The following RPS6KA2 variants were observed in gnomAD, a reference collection of about 807,000 sequenced individuals.
The protein encoded by RPS6KA2 is ribosomal protein S6 kinase alpha-2.
RPS6KA2 carries 42 observed loss-of-function variants against 91.8 expected under a neutral mutation model. The ratio of observed to expected loss-of-function variants is 0.46; its 90% CI spans 0.36 to 0.59. The LOEUF (loss-of-function observed/expected upper bound fraction) is 0.59, where lower values mean the gene tolerates loss of function less well. RPS6KA2 is among the 20% of genes least tolerant of loss of function. The pLI is 0.00. For synonymous variants in RPS6KA2, 414 were observed against 393.6 expected (o/e 1.05, Z -0.61); for missense variants, 798 against 978.5 (o/e 0.82, Z 2.46).
At chr6:166,467,430 G>A (rs1780582795) in intron 11 of RPS6KA2, among the ~76,000 whole-genome samples, 1 of 152,112 alleles carries the variant, frequency 6.6e-6, no homozygotes, top group Admixed American at 6.5e-5. Context: ...GTCAGAAAGT[G>A]ATAAGGGATA....
intron 2 of RPS6KA2, among the ~76,000 whole-genome samples, chr6:166,824,302 C>T (rs912927367): frequency 3.9e-5 from 6 of 152,160 alleles, no homozygotes; most frequent in Non-Finnish European, 8.8e-5. Flanking sequence ...CAGTACTGGA[C>T]CTGGTGCACC....
At chr6:166,765,248 C>G (rs1187882649) in intron 2 of RPS6KA2, among the ~76,000 whole-genome samples, 2 of 152,206 alleles carry the variant, frequency 1.3e-5, no homozygotes, top group Non-Finnish European at 2.9e-5. Flanking sequence ...TCCACAAAGC[C>G]AAGTGCCATG....
At chr6:166,827,807 G>A (rs532785701) in intron 2 of RPS6KA2, among the ~76,000 whole-genome samples, 2 of 152,336 alleles carry the variant, frequency 1.3e-5, no homozygotes, top group East Asian at 1.9e-4. Context: ...CACAAAATGT[G>A]AAAGCAAACT....
intron 2 of RPS6KA2, among the ~76,000 whole-genome samples, chr6:166,659,065 A>AC (rs142870948): frequency 1.1e-4 from 16 of 150,740 alleles, no homozygotes; most frequent in Middle Eastern, 3.4e-3. Context: ...TCCCCACAAC[A>AC]CCCCCCCTTT....
chr6:166,478,528 A>AC (rs1345391501), intron 10 of RPS6KA2, among the ~76,000 whole-genome samples: 1 of 152,054 alleles, frequency 6.6e-6, no homozygotes, highest in African/African-American at 2.4e-5. Context: ...CTTTCCATTT[A>AC]CCCTTCCATT....
At chr6:166,473,232 C>A (rs1780839239) in intron 10 of RPS6KA2, among the ~76,000 whole-genome samples, 1 of 152,026 alleles carries the variant, frequency 6.6e-6, no homozygotes, top group African/African-American at 2.4e-5. Flanking sequence ...ATTCTGTCGC[C>A]CAGGCTGGTA....
intron 10 of RPS6KA2, among the ~76,000 whole-genome samples, chr6:166,484,095 G>C (rs957920875): frequency 6.6e-6 from 1 of 152,236 alleles, no homozygotes; most frequent in African/African-American, 2.4e-5. Context: ...TGTCTTTTCT[G>C]CTTTACCACT....
chr6:166,724,552 C>T (rs1235903574), intron 2 of RPS6KA2, among the ~76,000 whole-genome samples: 5 of 152,066 alleles, frequency 3.3e-5, no homozygotes, highest in African/African-American at 7.2e-5. Flanking sequence ...TGCTTCTTCC[C>T]GCCATCTGAG....
intron 2 of RPS6KA2, among the ~76,000 whole-genome samples, chr6:166,851,865 C>T (rs183816757): frequency 4.6e-4 from 70 of 152,318 alleles, no homozygotes; most frequent in African/African-American, 1.6e-3. Context: ...GGAGGGATGT[C>T]TGCAGATGAC....
At chr6:166,560,498 A>G (rs1165170240) in intron 1 of RPS6KA2, among the ~76,000 whole-genome samples, 1 of 152,252 alleles carries the variant, frequency 6.6e-6, no homozygotes, top group East Asian at 1.9e-4. Context: ...ACAATGACAC[A>G]TTCCATACAT....
chr6:166,648,197 TACAC>T lies in RPS6KA2; in HGVS notation c.124-109417_124-109414del, dbSNP rs776111208. On this transcript the variant is annotated intron_variant, in intron 2 of 21. Transcript: ENST00000503859. The surrounding 1 kb of genome is among the most constrained non-coding windows in gnomAD (Gnocchi z 4.8). The stretch of plus-strand genomic sequence containing the variant: ...GCTCACACACATGCACACATGCTCA[TACAC>T]ACACTCATGCACACACACGCACATG... Among the ~76,000 whole-genome samples the T allele has an allele frequency of 2.7e-4, 18 of 65,800 alleles. No homozygotes were observed. In the East Asian group the frequency reaches 6.5e-3, roughly 24 times the overall value. The allele number at this position is 65,800 out of a possible 152,430, so 43.2% of individuals were successfully genotyped here.
chr6:166,568,983 T>C (rs1784592530), intron 1 of RPS6KA2, among the ~76,000 whole-genome samples: 2 of 152,182 alleles, frequency 1.3e-5, no homozygotes, highest in South Asian at 2.1e-4. Flanking sequence ...CCAAATACTG[T>C]AGTTGAAAGT....
intron 2 of RPS6KA2, among the ~76,000 whole-genome samples, chr6:166,801,528 G>A (rs998200549): frequency 1.1e-4 from 17 of 151,996 alleles, no homozygotes; most frequent in Non-Finnish European, 1.6e-4. Context: ...ATAATGTTTC[G>A]TGAAGATAAA....
intron 1 of RPS6KA2, among the ~76,000 whole-genome samples, chr6:166,604,489 C>T (rs1245638901): frequency 3.3e-5 from 5 of 152,116 alleles, no homozygotes; most frequent in South Asian, 2.1e-4. Flanking sequence ...CTGAAGTTGC[C>T]GGAGCTGGGT....
Position 166,523,151 on chromosome 6 carries a change from G to A in RPS6KA2, c.298+8081C>T, listed in dbSNP as rs990896628. On this transcript the variant is annotated intron_variant, in intron 3 of 20. Coordinates refer to ENST00000265678, the MANE Select transcript of RPS6KA2 (RefSeq NM_021135.6). ...ATAGAGGACTCCACCATACAGAGGC[G>A]GGTGTATCTGTAATAAATCAGATGC... is the stretch of plus-strand genomic sequence containing the variant. 5.3e-5 allele frequency among the ~76,000 whole-genome samples: 8 copies of A among 152,156 alleles called. No homozygotes were observed. In the East Asian group the frequency reaches 9.6e-4, roughly 18 times the overall value.
intron 2 of RPS6KA2, among the ~76,000 whole-genome samples, chr6:166,841,286 T>A (rs1413554715): frequency 6.6e-6 from 1 of 152,172 alleles, no homozygotes; most frequent in Non-Finnish European, 1.5e-5. Context: ...AAAACCTGAA[T>A]ATCCCTGGTG....
In RPS6KA2 at chr6:166,497,654, C is replaced by T. The variant is rs142214783; in HGVS notation, c.747+854G>A. 1.8e-4 allele frequency among the ~76,000 whole-genome samples: 27 copies of T among 152,316 alleles called. No homozygotes were observed. The South Asian group carries it at 3.3e-3, about 19-fold the overall frequency. On this transcript the variant is annotated intron_variant, in intron 8 of 20. Coordinates refer to ENST00000265678, the MANE Select transcript of RPS6KA2 (RefSeq NM_021135.6). ...CAGCCGGGGGTTCTCCAGGCGACACCGCAGGACTCAGCCCTGGGGTTCCCT... is the reference window on the plus strand; with the variant it reads ...CAGCCGGGGGTTCTCCAGGCGACACTGCAGGACTCAGCCCTGGGGTTCCCT...
rs1314873411 is a variant in RPS6KA2 at position 166,702,585 on chromosome 6, T to A, written c.123+155615A>T. The A allele has an allele frequency of 2.7e-6, 4 of 1,485,284 alleles. No homozygotes were observed. The Admixed American group carries it at 6.7e-5, about 25-fold the overall frequency. 92.0% of individuals were successfully genotyped at this position (1,485,284 alleles called of 1,614,324 possible). Reference sequence around the variant, plus strand: ...ACTGTAAGTGAGGAGGGATATTTCGTATCTGAAGTTTCCGAATCCTTTGCC... The same window carrying A: ...ACTGTAAGTGAGGAGGGATATTTCGAATCTGAAGTTTCCGAATCCTTTGCC... On this transcript the variant is annotated intron_variant, in intron 2 of 21. Coordinates refer to the RPS6KA2 transcript ENST00000503859.
intron 2 of RPS6KA2, among the ~76,000 whole-genome samples, chr6:166,813,293 T>C (rs1235295693): frequency 6.6e-6 from 1 of 152,162 alleles, no homozygotes; most frequent in Non-Finnish European, 1.5e-5. Context: ...GCCCACTGCT[T>C]CTGACCAAAC....
Sources: gnomAD v4.1 joint callset for allele counts (sites outside exome capture counted in the v4.1 genomes callset) on GRCh38, gnomAD v4.1.1 for gene constraint, Gnocchi (gnomAD v3.1) non-coding constraint, MANE v1.5 for transcripts, NCBI Gene and HGNC (gene_info 2026-07-23, HGNC 2026-07-21) for gene names.